LACC1: variants seen among roughly 807,000 people sequenced by gnomAD.
The protein encoded by LACC1 is laccase domain multifunctional purine nucleosidase 1, also known as purine nucleoside phosphorylase LACC1.
LACC1 carries 25 observed loss-of-function variants against 34.8 expected under a neutral mutation model. That is an observed-to-expected ratio of 0.72 (90% CI 0.52 to 1.00). LACC1 has a LOEUF of 1.00. Among genes scored for constraint, LACC1 ranks in the 50% least tolerant of loss-of-function variants. LACC1 has a pLI of 0.00. For synonymous variants in LACC1, 162 were observed against 168.0 expected (o/e 0.96, Z 0.28); for missense variants, 426 against 511.2 (o/e 0.83, Z 1.61).
intron 4 of LACC1, among the ~76,000 whole-genome samples, chr13:43,886,427 TA>T (rs1267238827): frequency 1.3e-5 from 2 of 151,944 alleles, no homozygotes; most frequent in Non-Finnish European, 1.5e-5. Flanking sequence ...TATAAAGCCA[TA>T]AAAAAGAATG....
chr13:43,882,709 G>A (rs1830951724), intron 3 of LACC1, among the ~76,000 whole-genome samples: 1 of 151,934 alleles, frequency 6.6e-6, no homozygotes, highest in East Asian at 1.9e-4. Context: ...TAAGAATAAA[G>A]TTTCTAAGGC....
chr13:43,888,420 A>AT (rs1011076564), intron 4 of LACC1, among the ~76,000 whole-genome samples: 8 of 152,236 alleles, frequency 5.3e-5, no homozygotes, highest in Non-Finnish European at 1.0e-4. Flanking sequence ...TTAGAATAGT[A>AT]TTTTTTTGTG....
chr13:43,886,233 C>T (rs189332232), intron 4 of LACC1, among the ~76,000 whole-genome samples: 241 of 152,246 alleles, frequency 1.6e-3, no homozygotes, highest in Admixed American at 3.4e-3. Context: ...AACTACCATT[C>T]AACCCAGCAA....
At chr13:43,886,284 C>A (rs899279240) in intron 4 of LACC1, among the ~76,000 whole-genome samples, 4 of 152,182 alleles carry the variant, frequency 2.6e-5, no homozygotes, top group Non-Finnish European at 5.9e-5. Flanking sequence ...ATAAATTATT[C>A]TGCCATAAAG....
intron 4 of LACC1, among the ~76,000 whole-genome samples, chr13:43,884,305 A>G (rs2138308601): frequency 6.6e-6 from 1 of 152,276 alleles, no homozygotes; most frequent in East Asian, 1.9e-4. Flanking sequence ...ACCTCTAGTT[A>G]CTGTAATAAC....
At chr13:43,880,879 A>G in intron 1 of LACC1, 73 bp from the exon 2 acceptor site, 5 of 1,010,380 alleles carry the variant, frequency 4.9e-6, no homozygotes, top group Non-Finnish European at 7.2e-6. Flanking sequence ...TTCGTTTTTA[A>G]TCTACCACAA....
At chr13:43,882,078 T>G in intron 2 of LACC1, 107 bp from the exon 3 acceptor site, 1 of 795,150 alleles carries the variant, frequency 1.3e-6, no homozygotes, top group Non-Finnish European at 2.0e-6. Context: ...GCCATAGAAA[T>G]TAGAAGCCAA....
At chr13:43,880,452 T>C (rs1954951023) in intron 1 of LACC1, among the ~76,000 whole-genome samples, 1 of 152,182 alleles carries the variant, frequency 6.6e-6, no homozygotes, top group Non-Finnish European at 1.5e-5. Flanking sequence ...AAGTGTGGAG[T>C]ACTGCGCAAA....
intron 4 of LACC1, among the ~76,000 whole-genome samples, 198 bp from the exon 5 acceptor site, chr13:43,888,559 C>T (rs1418889240): frequency 6.6e-6 from 1 of 151,956 alleles, no homozygotes; most frequent in African/African-American, 2.4e-5. Context: ...ATGAAGAAAA[C>T]TCCCATTACA....
Position 43,891,623 on chromosome 13 carries a change from T to C in LACC1, c.*176T>C. 1.3e-6 allele frequency: 1 copy of C among 763,496 alleles called. No homozygotes were observed. Among genetic ancestry groups the C allele is most frequent in the Non-Finnish European group, 1.6e-6 (1 of 627,724 alleles). The allele number at this position is 763,496 out of a possible 1,614,324, so 47.3% of individuals were successfully genotyped here. ...AATGATTTTCATTTAATTGTAATAATAACTGACAAAAATCAGTATGTTGTA... is the reference window on the plus strand; with the variant it reads ...AATGATTTTCATTTAATTGTAATAACAACTGACAAAAATCAGTATGTTGTA... On this transcript the variant is annotated 3_prime_UTR_variant, in exon 7 of 7. Transcript: ENST00000325686.
rs560565659 is a variant in LACC1 at position 43,885,021 on chromosome 13, A to C, written c.907+1085A>C. On this transcript the variant is annotated intron_variant, in intron 4 of 6. Coordinates refer to ENST00000325686, the MANE Select transcript of LACC1 (RefSeq NM_153218.4). ...AATAAGTTAATTTTGAAAGAATAAA[A>C]TACCTAGGAATACAGTTACCTTAAC... Among the ~76,000 whole-genome samples, 2 of 152,338 alleles carry C rather than the reference A, an allele frequency of 1.3e-5. 1 individual carries two copies. Among genetic ancestry groups the C allele is most frequent in the East Asian group, 3.9e-4 (2 of 5,188 alleles).
At chr13:43,884,031 T>C in intron 4 of LACC1, 95 bp downstream of exon 4, 2 of 981,360 alleles carry the variant, frequency 2.0e-6, no homozygotes, top group Non-Finnish European at 3.1e-6. Context: ...AACAGTTAAT[T>C]ACATTACACT....
At position 43,888,836 on chromosome 13, in the gene LACC1, C is replaced by G. The variant is rs1384897205; in HGVS notation, c.987C>G (p.Asp329Glu). 4.3e-6 allele frequency: 7 copies of G among 1,613,738 alleles called. No individual in the cohort carries two copies. The highest frequency in any genetic ancestry group is 5.1e-6 in the Non-Finnish European group (6 of 1,179,842). ...MIAEYGCSLE[D>E]IVVVLGPSVG... The stretch of plus-strand genomic sequence containing the variant: ...CAGAATATGGCTGCAGTTTGGAAGA[C>G]ATTGTTGTTGTACTTGGACCTTCAG... The change falls in exon 5 of 7, where the codon GAC becomes GAG. Residue 329 changes from aspartate (D) to glutamate (E), a missense_variant. Physicochemically the swap from Asp to Glu is conservative, Grantham distance 45. Around this residue, in one of 2 missense-constraint regions of LACC1, gnomAD observed 209 missense variants for 300.3 expected, o/e 0.70. Coordinates refer to ENST00000325686, the MANE Select transcript of LACC1 (RefSeq NM_153218.4).
upstream of LACC1, chr13:43,879,769 G>GAGCCGGGGCGAGGTGGGCGAGGT (rs1566960725): frequency 7.6e-6 from 1 of 131,932 alleles, no homozygotes; most frequent in Non-Finnish European, 1.7e-5. Flanking sequence ...GTGGGCGAGG[G>GAGCCGGGGCGAGGTGGGCGAGGT]GGGCGAGGTG....
At position 43,882,315 on chromosome 13, in the gene LACC1, G is replaced by A. The variant is rs112157659; in HGVS notation, c.693G>A (p.Arg231=). 2 of 1,613,856 alleles carry A rather than the reference G, an allele frequency of 1.2e-6. No individual in the cohort carries two copies. Among genetic ancestry groups the A allele is most frequent in the South Asian group, 1.1e-5 (1 of 91,030 alleles). The change falls in exon 3 of 7, where the codon AGG becomes AGA. Residue 231 remains arginine (R), a synonymous_variant. Coordinates refer to ENST00000325686, the MANE Select transcript of LACC1 (RefSeq NM_153218.4). The part of the protein sequence containing the change: ...PKVVVQENLR[R]LANAAGFNVE... ...TAGTGGTTCAAGAAAATCTGCGTAGGTTGGCGAATGCTGCAGGATTTAATG... is the reference window on the plus strand; with the variant it reads ...TAGTGGTTCAAGAAAATCTGCGTAGATTGGCGAATGCTGCAGGATTTAATG...
chr13:43,890,086 C>A (rs781476791), intron 5 of LACC1, 28 bp from the exon 6 acceptor site: 6 of 1,580,418 alleles, frequency 3.8e-6, no homozygotes, highest in Non-Finnish European at 5.2e-6. Flanking sequence ...TAAACTCTTG[C>A]TCTCTTTTGA....
chr13:43,879,272 C>G (rs1221796941), upstream of LACC1: 1 of 153,024 alleles, frequency 6.5e-6, no homozygotes, highest in Non-Finnish European at 1.5e-5. Context: ...TTCCCCGCCC[C>G]GTGCCCTCTG....
chr13:43,882,448 T>G (rs1398610784), intron 3 of LACC1, 85 bp downstream of exon 3: 2 of 966,398 alleles, frequency 2.1e-6, no homozygotes, highest in East Asian at 2.6e-5. Flanking sequence ...CTATTTAACT[T>G]TTGTATCTGC....
At chr13:43,890,048 T>A in intron 5 of LACC1, 66 bp from the exon 6 acceptor site, 2 of 1,393,516 alleles carry the variant, frequency 1.4e-6, no homozygotes, top group Non-Finnish European at 2.0e-6. Flanking sequence ...CCATACTTTT[T>A]TTCATATTGC....
Sources: gnomAD v4.1 joint callset for allele counts (sites outside exome capture counted in the v4.1 genomes callset) on GRCh38, gnomAD v4.1.1 for gene constraint, gnomAD v4.1.1 regional missense constraint, MANE v1.5 for transcripts, NCBI Gene and HGNC (gene_info 2026-07-23, HGNC 2026-07-21) for gene names.